NUDT3: variants seen among roughly 807,000 people sequenced by gnomAD.
NUDT3 encodes the protein diphosphoinositol polyphosphate phosphohydrolase 1.
NUDT3 carries 9 observed loss-of-function variants against 23.6 expected under a neutral mutation model. That is an observed-to-expected ratio of 0.38 (90% CI 0.23 to 0.66). The LOEUF is 0.66. NUDT3 is among the 30% of genes least tolerant of loss of function. The probability of loss-of-function intolerance (pLI) is 0.52; values close to 1 mark genes in which losing one functional copy is unlikely to be tolerated. For synonymous variants in NUDT3, 86 were observed against 82.6 expected, an observed-to-expected ratio of 1.04 and a Z score of -0.22; for missense variants, 172 against 218.5, an observed-to-expected ratio of 0.79 and a Z score of 1.34.
chr6:34,331,411 T>C (rs767608137), intron 2 of NUDT3, among the ~76,000 whole-genome samples: 20 of 152,226 alleles, frequency 1.3e-4, no homozygotes, highest in Non-Finnish European at 2.4e-4. Flanking sequence ...GGAATTTTTA[T>C]TTTATGTATG....
chr6:34,345,199 C>T (rs909200754), intron 1 of NUDT3, among the ~76,000 whole-genome samples: 49 of 151,622 alleles, frequency 3.2e-4, no homozygotes, highest in South Asian at 4.2e-4. Flanking sequence ...CAGGTGCCCA[C>T]GACCACGTCC....
intron 1 of NUDT3, among the ~76,000 whole-genome samples, chr6:34,356,473 A>C (rs537812226): frequency 6.6e-6 from 1 of 152,334 alleles, no homozygotes; most frequent in East Asian, 1.9e-4. Context: ...ATACTGAAGA[A>C]GCTATCAAAA....
intron 1 of NUDT3, among the ~76,000 whole-genome samples, chr6:34,377,190 C>T (rs989365491): frequency 1.3e-5 from 2 of 152,128 alleles, no homozygotes; most frequent in African/African-American, 4.8e-5. Context: ...GCACATAATG[C>T]AGCCACTTGT....
chr6:34,361,319 A>G (rs1213325883), intron 1 of NUDT3, among the ~76,000 whole-genome samples: 1 of 152,242 alleles, frequency 6.6e-6, no homozygotes, highest in Non-Finnish European at 1.5e-5. Context: ...TGAAACAACA[A>G]GAAGACACTA....
At chr6:34,376,168 C>A (rs1037034245) in intron 1 of NUDT3, among the ~76,000 whole-genome samples, 17 of 152,216 alleles carry the variant, frequency 1.1e-4, no homozygotes, top group African/African-American at 3.9e-4. Flanking sequence ...CCGAAACCAA[C>A]CTCTCTTCTA....
rs150165894 is a variant in NUDT3 at position 34,382,882 on chromosome 6, C to G, written c.99+9382G>C. ...GTGGTTCTCACCTGTAATCCTAGCA[C>G]TTTGGGAGGCCGAGGAGGGTGGATC... On this transcript the variant is annotated intron_variant, in intron 1 of 4. Transcript: ENST00000607016. Among the ~76,000 whole-genome samples the G allele has an allele frequency of 9.2e-3, 1,390 of 151,580 alleles. 15 individuals carry two copies. Among genetic ancestry groups the G allele is most frequent in the Middle Eastern group, 0.024 (7 of 290 alleles).
chr6:34,288,440 T>C lies in NUDT3; in HGVS notation c.*313A>G, dbSNP rs531143180. On this transcript the variant is annotated 3_prime_UTR_variant, in exon 5 of 5. Transcript: ENST00000607016. ...GCCAGGATAAGACAAACAGGAACAC[T>C]TCAGAATCCAAGGCAGGGGAAGGCT... 5.1e-5 allele frequency: 13 copies of C among 254,178 alleles called. No individual in the cohort carries two copies. The highest frequency in any genetic ancestry group is 2.9e-4 in the African/African-American group (13 of 44,646). 15.7% of individuals were successfully genotyped at this position (254,178 alleles called of 1,614,324 possible).
At chr6:34,364,304 AACTT>A (rs764886307) in intron 1 of NUDT3, among the ~76,000 whole-genome samples, 27 of 152,316 alleles carry the variant, frequency 1.8e-4, no homozygotes, top group Non-Finnish European at 3.7e-4. Context: ...AATATAAATA[AACTT>A]ACTAAGGTTT....
chr6:34,390,791 G>A (rs1765186062), intron 1 of NUDT3, among the ~76,000 whole-genome samples: 1 of 152,136 alleles, frequency 6.6e-6, no homozygotes, highest in Non-Finnish European at 1.5e-5. Context: ...TTTCCCTTCA[G>A]TTAAGAGCCT....
chr6:34,389,584 G>A (rs542771414), intron 1 of NUDT3, among the ~76,000 whole-genome samples: 92 of 152,194 alleles, frequency 6.0e-4, no homozygotes, highest in African/African-American at 2.1e-3. Flanking sequence ...CTTGAGCATA[G>A]GAGGTTGAGG....
chr6:34,389,943 G>A (rs867514208), intron 1 of NUDT3, among the ~76,000 whole-genome samples: 2 of 149,170 alleles, frequency 1.3e-5, no homozygotes, highest in African/African-American at 5.0e-5. Context: ...CACCATGGGC[G>A]ACAGAGCAAG....
At chr6:34,306,982 G>A (rs1330320952) in intron 2 of NUDT3, among the ~76,000 whole-genome samples, 1 of 152,146 alleles carries the variant, frequency 6.6e-6, no homozygotes, top group African/African-American at 2.4e-5. Flanking sequence ...AGAAATGAGT[G>A]TATTTACAAC....
chr6:34,289,585 C>T (rs1387197277), intron 4 of NUDT3, among the ~76,000 whole-genome samples: 4 of 152,054 alleles, frequency 2.6e-5, no homozygotes, highest in Non-Finnish European at 4.4e-5. Context: ...AAAATCAACA[C>T]GAGCATCAGC....
Position 34,286,000 on chromosome 6 carries a change from T to C in NUDT3, c.*2753A>G, listed in dbSNP as rs1763329733. On this transcript the variant is annotated 3_prime_UTR_variant, in exon 5 of 5. Transcript: ENST00000607016. ...TCAAAACTGCACTTTCAGGGTAGTA[T>C]ATTGTTACACTAGCCCAGTCAAAAC... is the stretch of plus-strand genomic sequence containing the variant. 6.6e-6 allele frequency: 1 copy of C among 152,226 alleles called. No individual in the cohort carries two copies. Among genetic ancestry groups the C allele is most frequent in the Middle Eastern group, 3.2e-3 (1 of 316 alleles). The allele number at this position is 152,226 out of a possible 1,614,324, so 9.4% of individuals were successfully genotyped here. A position where few individuals can be genotyped will look rare whatever the true frequency, so the allele number is the denominator to read the frequency against.
chr6:34,283,673 A>G lies in NUDT3; in HGVS notation c.*5080T>C, dbSNP rs573213376. 6.6e-6 allele frequency: 1 copy of G among 152,250 alleles called. No homozygotes were observed. Among genetic ancestry groups the G allele is most frequent in the East Asian group, 1.9e-4 (1 of 5,188 alleles). 9.4% of individuals were successfully genotyped at this position (152,250 alleles called of 1,614,324 possible). On this transcript the variant is annotated 3_prime_UTR_variant, in exon 5 of 5. Transcript: ENST00000607016. ...ATGCAAAAACATGGTCAAATGTGAA[A>G]CCGCCCTTTTAGAGGCAGGGTTTGT...
chr6:34,297,728 AAAATAT>A (rs1432971965), intron 2 of NUDT3, among the ~76,000 whole-genome samples: 14 of 52,084 alleles, frequency 2.7e-4, no homozygotes, highest in South Asian at 7.1e-4. Context: ...TAAAAAAAAA[AAAATAT>A]ATATATATAT....
intron 1 of NUDT3, among the ~76,000 whole-genome samples, chr6:34,347,027 C>T (rs1764382353): frequency 6.6e-6 from 1 of 152,174 alleles, no homozygotes; most frequent in Non-Finnish European, 1.5e-5. Flanking sequence ...CCTTGGCCTC[C>T]CAATGTGCTA....
At chr6:34,355,860 A>G (rs1237995424) in intron 1 of NUDT3, among the ~76,000 whole-genome samples, 1 of 152,150 alleles carries the variant, frequency 6.6e-6, no homozygotes. Context: ...TGAACATGTG[A>G]AGGTCCCTAG....
intron 1 of NUDT3, among the ~76,000 whole-genome samples, chr6:34,386,817 T>C (rs1258203095): frequency 6.6e-6 from 1 of 152,132 alleles, no homozygotes; most frequent in Non-Finnish European, 1.5e-5. Flanking sequence ...CTGCCGGTCA[T>C]ATAAAAGTCT....
Sources: gnomAD v4.1 joint callset for allele counts (sites outside exome capture counted in the v4.1 genomes callset) on GRCh38, gnomAD v4.1.1 for gene constraint, MANE v1.5 for transcripts, NCBI Gene and HGNC (gene_info 2026-07-23, HGNC 2026-07-21) for gene names.